Variants in DNAH17 observed in about 807,000 individuals in gnomAD.
DNAH17 encodes the protein axonemal beta dynein heavy chain 17.
A neutral mutation model predicts 485.6 loss-of-function variants in DNAH17; 376 were observed. That is an observed-to-expected ratio of 0.77 (90% CI 0.71 to 0.84). DNAH17 has a LOEUF of 0.84. DNAH17 is among the 40% of genes least tolerant of loss of function. The pLI, the probability that DNAH17 is intolerant of heterozygous loss-of-function variation, is 0.00. For missense variants in DNAH17, 6,370 were observed against 5,839.3 expected (o/e 1.09, Z -2.96); for synonymous variants, 3,031 against 2,405.9 (o/e 1.26, Z -7.60).
intron 54 of DNAH17, among the ~76,000 whole-genome samples, chr17:78,469,575 C>A (rs972211082): frequency 2.0e-5 from 3 of 152,176 alleles, no homozygotes; most frequent in African/African-American, 2.4e-5. Context: ...CATAGCAAGA[C>A]CTTGTCTCTA....
intron 22 of DNAH17, among the ~76,000 whole-genome samples, chr17:78,527,513 G>T (rs1388343017): frequency 6.6e-6 from 1 of 151,188 alleles, no homozygotes; most frequent in East Asian, 1.9e-4. Context: ...CCATTTGTGG[G>T]TGTGGGTGTG....
At chr17:78,466,983 A>G (rs1256230940) in intron 55 of DNAH17, among the ~76,000 whole-genome samples, 167 bp from the exon 56 acceptor site, 2 of 152,208 alleles carry the variant, frequency 1.3e-5, no homozygotes, top group African/African-American at 2.4e-5. Context: ...CGGCCGCTGC[A>G]TTGCCGTGGA....
intron 48 of DNAH17, among the ~76,000 whole-genome samples, chr17:78,480,996 C>T (rs1009880645): frequency 5.9e-5 from 9 of 152,040 alleles, no homozygotes; most frequent in East Asian, 3.9e-4. Flanking sequence ...GGGGTTTCGC[C>T]GTGTTAGCCA....
At chr17:78,548,456 G>A (rs1338392990) in intron 16 of DNAH17, among the ~76,000 whole-genome samples, 2 of 152,042 alleles carry the variant, frequency 1.3e-5, no homozygotes, top group African/African-American at 2.4e-5. Flanking sequence ...CACCCGCCTC[G>A]GCCTCCCAAA....
intron 49 of DNAH17, 43 bp downstream of exon 49, chr17:78,480,641 A>G (rs1341945971): frequency 6.5e-7 from 1 of 1,545,386 alleles, no homozygotes; most frequent in African/African-American, 1.4e-5. Flanking sequence ...AGCAAGCCTC[A>G]GACTCATGGC....
intron 55 of DNAH17, 38 bp from the exon 56 acceptor site, chr17:78,466,854 C>T (rs1598502037): frequency 6.6e-7 from 1 of 1,512,432 alleles, no homozygotes; most frequent in Non-Finnish European, 8.9e-7. Flanking sequence ...CCTACTGGGA[C>T]TGCAGTGCTG....
intron 40 of DNAH17, 129 bp from the exon 41 acceptor site, chr17:78,494,302 G>T (rs779945324): frequency 5.9e-6 from 8 of 1,345,692 alleles, no homozygotes; most frequent in Non-Finnish European, 7.0e-6. Context: ...ATGCACGTGC[G>T]TCTGCAAGTT....
Position 78,486,470 on chromosome 17 carries a change from C to T in DNAH17, c.6855G>A (p.Gln2285=). ...VSSWIERRKV[Q]SEKANLMILF... is the part of the protein sequence containing the mutation. ...GGATCATCAGGTTGGCCTTCTCCGA[C>T]TGCACCTTGCGCCTCTCGATCCAGC... Residue 2285 remains glutamine (Q), a synonymous_variant, in exon 45 of 81, where the codon CAG becomes CAA. Transcript: ENST00000389840. 4 of 1,612,786 alleles carry T rather than the reference C, an allele frequency of 2.5e-6. No individual in the cohort carries two copies. The highest frequency in any genetic ancestry group is 3.4e-6 in the Non-Finnish European group (4 of 1,179,518).
chr17:78,553,296 T>G lies in DNAH17; in HGVS notation c.2179-491A>C, dbSNP rs1339222179. Among the ~76,000 whole-genome samples, 462 of 47,886 alleles carry G rather than the reference T, an allele frequency of 9.6e-3. 8 individuals carry two copies. Among genetic ancestry groups the G allele is most frequent in the African/African-American group, 0.032 (436 of 13,840 alleles). 31.4% of individuals were successfully genotyped at this position (47,886 alleles called of 152,430 possible). A position where few individuals can be genotyped will look rare whatever the true frequency, so the allele number is the denominator to read the frequency against. On this transcript the variant is annotated intron_variant, in intron 14 of 80. Coordinates refer to ENST00000389840, the MANE Select transcript of DNAH17 (RefSeq NM_173628.4). ...CCAGGTTTTTGTGTTTTTTTTTTTT[T>G]TTTTTTTTTTTTTTTTTTTTTTTAA...
Position 78,551,675 on chromosome 17 carries a change from C to T in DNAH17, c.2288-37G>A, listed in dbSNP as rs944454223. 6 of 1,605,044 alleles carry T rather than the reference C, an allele frequency of 3.7e-6. No homozygotes were observed. The African/African-American group carries it at 6.7e-5, about 18-fold the overall frequency. The stretch of plus-strand genomic sequence containing the variant: ...ATGTAGAGGAATCTTACAAAATGAA[C>T]AATTCAGGCTGGGCGCGGTGGCTCA... On this transcript the variant is annotated intron_variant, in intron 15 of 80. Transcript: ENST00000389840.
intron 77 of DNAH17, 101 bp downstream of exon 77, chr17:78,428,424 A>T: frequency 7.1e-7 from 1 of 1,402,118 alleles, no homozygotes; most frequent in South Asian, 1.2e-5. Flanking sequence ...AGTGTACCTC[A>T]CCAGCAAGTT....
intron 11 of DNAH17, among the ~76,000 whole-genome samples, chr17:78,566,018 G>C (rs1356084427): frequency 6.6e-6 from 1 of 151,914 alleles, no homozygotes; most frequent in Admixed American, 6.6e-5. Context: ...ACTAAAAATA[G>C]AGACCCCAGA....
In DNAH17 at chr17:78,506,578, T is replaced by C; in HGVS notation, c.4803+142A>G. 3.2e-6 allele frequency: 4 copies of C among 1,256,308 alleles called. No individual in the cohort carries two copies. In the South Asian group the frequency reaches 6.0e-5, roughly 19 times the overall value. 77.8% of individuals were successfully genotyped at this position (1,256,308 alleles called of 1,614,324 possible). A position where few individuals can be genotyped will look rare whatever the true frequency, so the allele number is the denominator to read the frequency against. On this transcript the variant is annotated intron_variant, in intron 30 of 80. Transcript: ENST00000389840. ...CCATGGCTGGGGACCCCAGGGCAGC[T>C]TCTGGTGCAGAGGGCCTCCTGGAGA... is the stretch of plus-strand genomic sequence containing the variant.
At chr17:78,428,323 G>GA in intron 77 of DNAH17, 2 of 655,874 alleles carry the variant, frequency 3.0e-6, no homozygotes, top group South Asian at 3.5e-5. Context: ...ACGCTCACCC[G>GA]AAGCCTGCAG....
At position 78,453,352 on chromosome 17, in the gene DNAH17, T is replaced by A. The variant is rs927726552; in HGVS notation, c.10520A>T (p.Lys3507Ile). ...GGCGGAAACAACTCACTTTCCCTTT[T>A]TAATCGTGTTCCTGCCCAGTAGAGG... ...LDPLLGRNTI[K>I]KGKYIKIGDK... is the part of the protein sequence containing the mutation. Residue 3507 changes from lysine (K) to isoleucine (I), a missense_variant, in exon 65 of 81, where the codon AAA (lysine) becomes ATA (isoleucine). Physicochemically the swap from Lys to Ile is moderately radical, Grantham distance 102. Coordinates refer to ENST00000389840, the MANE Select transcript of DNAH17 (RefSeq NM_173628.4). The A allele has an allele frequency of 6.2e-7, 1 of 1,613,428 alleles. No individual in the cohort carries two copies. The highest frequency in any genetic ancestry group is 8.5e-7 in the Non-Finnish European group (1 of 1,179,618).
At chr17:78,542,748 G>C (rs1185247349) in intron 17 of DNAH17, among the ~76,000 whole-genome samples, 2 of 152,156 alleles carry the variant, frequency 1.3e-5, no homozygotes, top group Non-Finnish European at 2.9e-5. Flanking sequence ...GGCATCCTAG[G>C]TAGCAAAGCA....
At position 78,525,075 on chromosome 17, in the gene DNAH17, G is replaced by A. The variant is rs374711735; in HGVS notation, c.3798C>T (p.Tyr1266=). The A allele has an allele frequency of 4.3e-6, 7 of 1,613,714 alleles. No homozygotes were observed. The highest frequency in any genetic ancestry group is 2.2e-5 in the East Asian group (1 of 44,896). The stretch of plus-strand genomic sequence containing the variant: ...CCCGGTGGCAGGCCTTGAGCTGCTT[G>A]TAGTCTGGGACGGGGACCTCGAACA... The part of the protein sequence containing the change: ...GGLFEVPVPD[Y]KQLKACHREV... The change falls in exon 25 of 81, where the codon TAC becomes TAT. Residue 1266 remains tyrosine (Y), a synonymous_variant. Transcript: ENST00000389840.
chr17:78,526,525 C>G, intron 24 of DNAH17, 126 bp downstream of exon 24: 1 of 759,028 alleles, frequency 1.3e-6, no homozygotes, highest in Non-Finnish European at 2.1e-6. Context: ...TAAGAGCACT[C>G]GTGCACGGCC....
At chr17:78,424,307 C>G (rs112415080) in intron 80 of DNAH17, 154 bp from the exon 81 acceptor site, 1 of 928,550 alleles carries the variant, frequency 1.1e-6, no homozygotes. Context: ...GAAGCAGAGG[C>G]CTTCGTAGGT....
Sources: allele counts gnomAD v4.1 joint callset (sites outside exome capture counted in the v4.1 genomes callset), GRCh38; gene constraint gnomAD v4.1.1; transcripts MANE v1.5; gene names NCBI Gene and HGNC (gene_info 2026-07-23, HGNC 2026-07-21).